The following HTR1F variants were observed in gnomAD, a reference collection of about 807,000 sequenced individuals.
HTR1F encodes 5-hydroxytryptamine (serotonin) receptor 1F, G protein-coupled.
Under a neutral mutation model 24.0 loss-of-function variants are expected in HTR1F, and 17 were observed. The observed-to-expected ratio is 0.71, with a 90% confidence interval of 0.48 to 1.06. The LOEUF is 1.06. Among genes scored for constraint, HTR1F ranks in the 50% least tolerant of loss-of-function variants. HTR1F has a pLI of 0.00. For missense variants in HTR1F, 391 were observed against 427.8 expected (o/e 0.91, Z 0.76); for synonymous variants, 186 against 156.8 (o/e 1.19, Z -1.39).
chr3:87,963,938 T>C (rs1466697645), intron 2 of HTR1F, among the ~76,000 whole-genome samples: 2 of 152,116 alleles, frequency 1.3e-5, no homozygotes, highest in African/African-American at 4.8e-5. Context: ...CATTAATAAT[T>C]CAGAAATTAA....
chr3:87,858,655 T>G (rs1471115197), intron 2 of HTR1F, among the ~76,000 whole-genome samples: 1 of 151,642 alleles, frequency 6.6e-6, no homozygotes, highest in Non-Finnish European at 1.5e-5. Flanking sequence ...TAAATGGATA[T>G]TCTCGGTTTT....
At chr3:87,927,655 A>G (rs1704159545) in intron 2 of HTR1F, among the ~76,000 whole-genome samples, 1 of 152,206 alleles carries the variant, frequency 6.6e-6, no homozygotes, top group South Asian at 2.1e-4. Flanking sequence ...ATTCTGGCAT[A>G]TCTTTCTAAT....
At chr3:87,843,217 T>C (rs1293073680) in intron 2 of HTR1F, among the ~76,000 whole-genome samples, 1 of 152,002 alleles carries the variant, frequency 6.6e-6, no homozygotes, top group Non-Finnish European at 1.5e-5. Flanking sequence ...TAAAATCTTT[T>C]TGTTTATGCT....
rs180717952 is a variant in HTR1F at position 87,916,958 on chromosome 3, T to C, written c.-42-73750T>C. Among the ~76,000 whole-genome samples, 158 of 152,200 alleles carry C rather than the reference T, an allele frequency of 1.0e-3. 2 individuals are homozygous for C. Among genetic ancestry groups the C allele is most frequent in the Admixed American group, 8.5e-3 (129 of 15,264 alleles). On this transcript the variant is annotated intron_variant, in intron 2 of 2. Coordinates refer to ENST00000319595, the MANE Select transcript of HTR1F (RefSeq NM_001322209.2). ...ACTTTCTCCAAGATAGACCACATGA[T>C]AGACCACAAAACAATTCTCAATAAT...
At chr3:87,840,987 AT>A (rs1463697618) in intron 2 of HTR1F, among the ~76,000 whole-genome samples, 3 of 152,010 alleles carry the variant, frequency 2.0e-5, no homozygotes, top group Non-Finnish European at 2.9e-5. Context: ...CTACTGTTAG[AT>A]AAGAGACACA....
intron 2 of HTR1F, among the ~76,000 whole-genome samples, chr3:87,909,919 C>G (rs1307022779): frequency 6.6e-6 from 1 of 151,946 alleles, no homozygotes; most frequent in African/African-American, 2.4e-5. Context: ...ACTCCATGGT[C>G]TTTTATTCTT....
intron 2 of HTR1F, among the ~76,000 whole-genome samples, chr3:87,869,663 G>GA (rs1188646570): frequency 5.9e-5 from 9 of 152,018 alleles, no homozygotes; most frequent in Non-Finnish European, 1.0e-4. Flanking sequence ...CAAGACACAA[G>GA]AAAAACTGAT....
intron 2 of HTR1F, among the ~76,000 whole-genome samples, chr3:87,900,922 C>A (rs1175576771): frequency 1.3e-5 from 2 of 151,932 alleles, no homozygotes; most frequent in African/African-American, 4.8e-5. Flanking sequence ...TGTATAGGAT[C>A]CCAGAATAGA....
At chr3:87,939,734 T>C (rs78371577) in intron 2 of HTR1F, among the ~76,000 whole-genome samples, 15 of 152,212 alleles carry the variant, frequency 9.9e-5, no homozygotes, top group Admixed American at 5.9e-4. Flanking sequence ...TTTTATTGTG[T>C]CTAATTGATT....
chr3:87,926,668 G>A (rs183813757), intron 2 of HTR1F, among the ~76,000 whole-genome samples: 5 of 152,070 alleles, frequency 3.3e-5, no homozygotes, highest in East Asian at 1.9e-4. Flanking sequence ...CTGAAAGATC[G>A]TTTTATACTG....
intron 2 of HTR1F, among the ~76,000 whole-genome samples, chr3:87,824,455 T>G (rs1176865024): frequency 6.6e-6 from 1 of 152,230 alleles, no homozygotes; most frequent in Admixed American, 6.5e-5. Context: ...GCATTATCCC[T>G]CCTATAAATT....
chr3:87,970,075 A>C (rs2107494373), intron 2 of HTR1F, among the ~76,000 whole-genome samples: 1 of 152,292 alleles, frequency 6.6e-6, no homozygotes, highest in Middle Eastern at 3.4e-3. Flanking sequence ...TTTATAAATT[A>C]CCCAGTCTCA....
intron 2 of HTR1F, among the ~76,000 whole-genome samples, chr3:87,904,980 T>A (rs1353388995): frequency 6.6e-6 from 1 of 152,082 alleles, no homozygotes; most frequent in Non-Finnish European, 1.5e-5. Context: ...TGATGAATTA[T>A]GTATTCTTCA....
intron 2 of HTR1F, among the ~76,000 whole-genome samples, chr3:87,951,193 C>T (rs1265457104): frequency 2.0e-5 from 3 of 152,096 alleles, no homozygotes; most frequent in African/African-American, 7.2e-5. Context: ...TGATTTCAGA[C>T]TGTAAGTTTT....
chr3:87,808,501 T>C (rs1704108953), intron 1 of HTR1F, among the ~76,000 whole-genome samples: 1 of 151,938 alleles, frequency 6.6e-6, no homozygotes, highest in African/African-American at 2.4e-5. Context: ...GGGCCTTCTT[T>C]CTTTTATTTT....
intron 2 of HTR1F, among the ~76,000 whole-genome samples, chr3:87,946,338 C>G (rs535739614): frequency 6.6e-6 from 1 of 152,204 alleles, no homozygotes; most frequent in East Asian, 1.9e-4. Flanking sequence ...AGCCTGAAAA[C>G]AGAGCTCCCA....
intron 2 of HTR1F, among the ~76,000 whole-genome samples, chr3:87,866,887 A>G (rs1411402927): frequency 4.0e-5 from 6 of 150,690 alleles, no homozygotes. Context: ...GTGGAAGAAA[A>G]GGTGTGTAGT....
At chr3:87,858,042 G>A (rs1248078351) in intron 2 of HTR1F, among the ~76,000 whole-genome samples, 5 of 152,050 alleles carry the variant, frequency 3.3e-5, no homozygotes, top group Non-Finnish European at 5.9e-5. Context: ...CTTTGGTAAG[G>A]ATTGCAACAG....
At chr3:87,826,796 G>C (rs1704472454) in intron 2 of HTR1F, among the ~76,000 whole-genome samples, 1 of 152,096 alleles carries the variant, frequency 6.6e-6, no homozygotes, top group South Asian at 2.1e-4. Context: ...GATAATGGAA[G>C]GTGTTGCTAT....
Sources: gnomAD v4.1 joint callset for allele counts (sites outside exome capture counted in the v4.1 genomes callset) on GRCh38, gnomAD v4.1.1 for gene constraint, MANE v1.5 for transcripts, NCBI Gene and HGNC (gene_info 2026-07-23, HGNC 2026-07-21) for gene names.